Variants in IQSEC1 observed in about 807,000 individuals in gnomAD.
IQSEC1 encodes the protein IQ motif and SEC7 domain-containing protein 1.
Under a neutral mutation model 91.0 loss-of-function variants are expected in IQSEC1, and 31 were observed. The observed-to-expected ratio is 0.34, with a 90% confidence interval of 0.26 to 0.46. IQSEC1 has a LOEUF of 0.46. IQSEC1 is among the 20% of genes least tolerant of loss of function. The probability of loss-of-function intolerance (pLI) is 1.00; values close to 1 mark genes in which losing one functional copy is unlikely to be tolerated. For missense variants in IQSEC1, 1,388 were observed against 1,575.6 expected, an observed-to-expected ratio of 0.88 and a Z score of 2.02; for synonymous variants, 699 against 662.6, an observed-to-expected ratio of 1.05 and a Z score of -0.84.
At chr3:12,942,332 G>T (rs1430899203) in intron 1 of IQSEC1, among the ~76,000 whole-genome samples, 1 of 152,220 alleles carries the variant, frequency 6.6e-6, no homozygotes, top group Admixed American at 6.5e-5. Flanking sequence ...GCCGGGCGCG[G>T]TGGCTCACAC....
chr3:13,151,898 G>A (rs1003896317), intron 2 of IQSEC1, among the ~76,000 whole-genome samples: 8 of 152,084 alleles, frequency 5.3e-5, no homozygotes, highest in African/African-American at 1.4e-4. Context: ...CCCAGAAAGC[G>A]GAGGTTGCAG....
intron 2 of IQSEC1, among the ~76,000 whole-genome samples, chr3:13,113,978 C>A (rs994212636): frequency 6.6e-6 from 1 of 152,246 alleles, no homozygotes; most frequent in Non-Finnish European, 1.5e-5. Context: ...CTGCAGAAGT[C>A]TCCACATACG....
intron 1 of IQSEC1, among the ~76,000 whole-genome samples, chr3:13,177,175 C>A (rs956599958): frequency 5.3e-5 from 8 of 152,364 alleles, no homozygotes; most frequent in African/African-American, 1.9e-4. Context: ...GGATTACACA[C>A]TTTAAAAGGG....
intron 1 of IQSEC1, among the ~76,000 whole-genome samples, chr3:13,072,570 G>C (rs460312): frequency 0.75 from 114,052 of 152,140 alleles, 42,925 homozygotes; most frequent in South Asian, 0.89. Flanking sequence ...CAGCATCCTG[G>C]CCACTGCCTC....
At chr3:13,278,247 T>A (rs1695726633) in intron 1 of IQSEC1, among the ~76,000 whole-genome samples, 2 of 151,978 alleles carry the variant, frequency 1.3e-5, no homozygotes, top group Non-Finnish European at 2.9e-5. Context: ...TCCACTGGGC[T>A]TCCCCCCCCC....
chr3:12,936,376 G>T lies in IQSEC1; in HGVS notation c.640C>A (p.Pro214Thr). The change falls in exon 3 of 14, where the codon CCC becomes ACC. Residue 214 changes from proline (P) to threonine (T), a missense_variant. Physicochemically the swap from Pro to Thr is conservative, Grantham distance 38. Coordinates refer to ENST00000613206, the MANE Select transcript of IQSEC1 (RefSeq NM_001134382.3). ...SEPTTLKSPA[P>T]SSDFADAITE... Reference sequence around the variant, plus strand: ...ATGGCGTCCGCAAAGTCACTGGAGGGGGCCGGAGACTTGAGGGTGGTGGGC... The same window carrying T: ...ATGGCGTCCGCAAAGTCACTGGAGGTGGCCGGAGACTTGAGGGTGGTGGGC... 6.3e-7 allele frequency: 1 copy of T among 1,598,658 alleles called. No homozygotes were observed. Among genetic ancestry groups the T allele is most frequent in the Non-Finnish European group, 8.5e-7 (1 of 1,170,140 alleles).
At position 12,924,560 on chromosome 3, in the gene IQSEC1, C is replaced by G; in HGVS notation, c.1730+21G>C. The G allele has an allele frequency of 6.4e-7, 1 of 1,561,716 alleles. No individual in the cohort carries two copies. The highest frequency in any genetic ancestry group is 1.2e-5 in the South Asian group (1 of 85,032). On this transcript the variant is annotated intron_variant, in intron 4 of 13. Transcript: ENST00000613206. The surrounding 1 kb of genome is among the most constrained non-coding windows in gnomAD (Gnocchi z 6.3). ...GGCGTGTGTGGAATCAGGTCCCCCA[C>G]CACCCCCATGCAGAACTTACTCGAG...
chr3:12,900,410 A>T lies in IQSEC1; in HGVS notation c.*573T>A. 1 of 983,762 alleles carries T rather than the reference A, an allele frequency of 1.0e-6. No individual in the cohort carries two copies. The highest frequency in any genetic ancestry group is 1.2e-6 in the Non-Finnish European group (1 of 829,360). The allele number at this position is 983,762 out of a possible 1,614,324, so 60.9% of individuals were successfully genotyped here. ...TGTAAGGTGGGTATTGCTAATGTGG[A>T]CTGAAACGCCTGCCTTTCACACACA... On this transcript the variant is annotated 3_prime_UTR_variant, in exon 14 of 14. Coordinates refer to ENST00000613206, the MANE Select transcript of IQSEC1 (RefSeq NM_001134382.3).
At chr3:13,223,096 A>AC (rs1694691981) in intron 1 of IQSEC1, among the ~76,000 whole-genome samples, 1 of 152,066 alleles carries the variant, frequency 6.6e-6, no homozygotes, top group South Asian at 2.1e-4. Context: ...GGGAGGTGTG[A>AC]CCCATCCAGA....
intron 1 of IQSEC1, among the ~76,000 whole-genome samples, chr3:13,190,562 A>AACAAAAAAAT (rs1553573142): frequency 6.6e-6 from 1 of 151,646 alleles, no homozygotes; most frequent in African/African-American, 2.4e-5. Context: ...TCTCAAAAAA[A>AACAAAAAAAT]AAAAACAGAT....
At position 12,899,922 on chromosome 3, in the gene IQSEC1, CGGA is replaced by C; in HGVS notation, c.*1058_*1060del. 2 of 985,050 alleles carry C rather than the reference CGGA, an allele frequency of 2.0e-6. No individual in the cohort carries two copies. Among genetic ancestry groups the C allele is most frequent in the Non-Finnish European group, 2.4e-6 (2 of 829,864 alleles). The allele number at this position is 985,050 out of a possible 1,614,324, so 61.0% of individuals were successfully genotyped here. On this transcript the variant is annotated 3_prime_UTR_variant, in exon 14 of 14. Transcript: ENST00000613206. ...TTCTGCCGTGTATGGGTGCCCCTCT[CGGA>C]GGACTCTGAATGAGTGTGCGTCAAA...
At chr3:12,974,623 C>T (rs1701069904) in intron 1 of IQSEC1, among the ~76,000 whole-genome samples, 1 of 152,250 alleles carries the variant, frequency 6.6e-6, no homozygotes, top group African/African-American at 2.4e-5. Flanking sequence ...GGCAAGACAA[C>T]TTCAGGAGGA....
intron 1 of IQSEC1, among the ~76,000 whole-genome samples, chr3:12,987,442 CAGAG>C (rs774039983): frequency 2.7e-5 from 4 of 150,402 alleles, no homozygotes; most frequent in Non-Finnish European, 4.4e-5. Context: ...GTGCATGTGT[CAGAG>C]AGAGAGAGAG....
intron 1 of IQSEC1, among the ~76,000 whole-genome samples, chr3:13,051,903 T>TA (rs1026096763): frequency 4.0e-4 from 59 of 146,702 alleles, no homozygotes; most frequent in East Asian, 7.8e-4. Context: ...GCCTAGGGCT[T>TA]AAAAAAAAAA....
chr3:12,935,946 C>T lies in IQSEC1; in HGVS notation c.1070G>A (p.Arg357Gln), dbSNP rs750755282. The T allele has an allele frequency of 2.1e-5, 34 of 1,598,318 alleles. No individual in the cohort carries two copies. Among genetic ancestry groups the T allele is most frequent in the African/African-American group, 5.3e-5 (4 of 74,896 alleles). ...STPSLERQEQ[R>Q]LRVEHLPLLT... ...CAGCGGCAGATGCTCCACCCGCAGC[C>T]GCTGCTCCTGCCGCTCCAGCGACGG... Residue 357 changes from arginine to glutamine, a missense_variant, in exon 3 of 14, where the codon CGG becomes CAG. Physicochemically the swap from Arg to Gln is conservative, Grantham distance 43. Around this residue, in one of 2 missense-constraint regions of IQSEC1, gnomAD observed 1,059 missense variants for 1,317.8 expected, o/e 0.80. Transcript: ENST00000613206. The surrounding 1 kb of genome is among the most constrained non-coding windows in gnomAD (Gnocchi z 8.0).
intron 1 of IQSEC1, among the ~76,000 whole-genome samples, chr3:12,976,369 C>T (rs1376470734): frequency 1.3e-5 from 2 of 152,204 alleles, no homozygotes; most frequent in South Asian, 2.1e-4. Flanking sequence ...CCCACCTCTT[C>T]CCCGGCTGCC....
chr3:12,920,237 C>T (rs1036117420), intron 6 of IQSEC1, among the ~76,000 whole-genome samples, 193 bp downstream of exon 6: 3 of 152,218 alleles, frequency 2.0e-5, no homozygotes, highest in Admixed American at 1.3e-4. Flanking sequence ...CTGTGTCCCA[C>T]GGGGGCTCCT....
intron 1 of IQSEC1, among the ~76,000 whole-genome samples, chr3:12,957,543 CAG>C (rs1006819520): frequency 2.6e-5 from 4 of 152,234 alleles, no homozygotes; most frequent in Admixed American, 6.5e-5. Flanking sequence ...CAGGCTCCAG[CAG>C]AGAGAGCTAG....
intron 1 of IQSEC1, among the ~76,000 whole-genome samples, chr3:13,004,251 A>G (rs1301878167): frequency 6.6e-6 from 1 of 152,178 alleles, no homozygotes; most frequent in Non-Finnish European, 1.5e-5. Context: ...GGGTGAGAGC[A>G]TGTGTCTGTA....
Sources: allele counts gnomAD v4.1 joint callset (sites outside exome capture counted in the v4.1 genomes callset), GRCh38; gene constraint gnomAD v4.1.1; regional missense constraint gnomAD v4.1.1; non-coding constraint Gnocchi (gnomAD v3.1); transcripts MANE v1.5; gene names NCBI Gene and HGNC (gene_info 2026-07-23, HGNC 2026-07-21).